SYT9: variants seen among roughly 807,000 people sequenced by gnomAD.
The protein encoded by SYT9 is synaptotagmin-9.
Under a neutral mutation model 48.4 loss-of-function variants are expected in SYT9, and 22 were observed. The observed-to-expected ratio is 0.45, with a 90% CI of 0.32 to 0.65. SYT9 has a LOEUF of 0.65. Ranked by LOEUF, SYT9 falls within the 30% of genes least tolerant of loss-of-function variation. The pLI is 0.03. For missense variants in SYT9, 577 were observed against 622.0 expected (o/e 0.93, Z 0.77); for synonymous variants, 265 against 245.0 (o/e 1.08, Z -0.76).
At chr11:7,465,625 C>T (rs72848021) in intron 6 of SYT9, 1,777 of 152,442 alleles carry the variant, frequency 0.012, 19 homozygotes, top group Non-Finnish European at 0.018. Context: ...CTTCACATCT[C>T]GGAAACAAGG....
chr11:7,275,204 T>C (rs1848365289), intron 1 of SYT9, among the ~76,000 whole-genome samples: 4 of 151,464 alleles, frequency 2.6e-5, no homozygotes, highest in African/African-American at 9.8e-5. Flanking sequence ...ACTTTGCCAG[T>C]GTAGTTATTC....
intron 2 of SYT9, among the ~76,000 whole-genome samples, chr11:7,307,895 C>T (rs1168133406): frequency 6.6e-6 from 1 of 152,226 alleles, no homozygotes; most frequent in Non-Finnish European, 1.5e-5. Context: ...TGGGAGGAAG[C>T]AGGTCTTGCC....
At chr11:7,445,263 A>G (rs1847905425) in intron 6 of SYT9, among the ~76,000 whole-genome samples, 1 of 152,220 alleles carries the variant, frequency 6.6e-6, no homozygotes, top group Admixed American at 6.5e-5. Flanking sequence ...ATGTACAAGA[A>G]AAGGAGAGAG....
intron 3 of SYT9, among the ~76,000 whole-genome samples, chr11:7,320,843 A>G (rs116883020): frequency 0.011 from 1,644 of 152,330 alleles, 15 homozygotes; most frequent in Middle Eastern, 0.017. Flanking sequence ...AGTACAATAC[A>G]TCTTTGTGAG....
At chr11:7,317,416 C>T (rs1402146155) in intron 3 of SYT9, among the ~76,000 whole-genome samples, 1 of 152,302 alleles carries the variant, frequency 6.6e-6, no homozygotes, top group South Asian at 2.1e-4. Context: ...TTTCAGCAGA[C>T]TCCATTCCTG....
At chr11:7,325,022 A>G (rs1334575061) in intron 3 of SYT9, among the ~76,000 whole-genome samples, 1 of 152,084 alleles carries the variant, frequency 6.6e-6, no homozygotes, top group Non-Finnish European at 1.5e-5. Flanking sequence ...AGTACTTTTT[A>G]TATATGTCTG....
intron 6 of SYT9, chr11:7,439,875 T>C (rs1011884963): frequency 6.6e-6 from 1 of 152,216 alleles, no homozygotes; most frequent in African/African-American, 2.4e-5. Context: ...GAAAGCTGTT[T>C]ATGGGCTGTC....
intron 6 of SYT9, among the ~76,000 whole-genome samples, chr11:7,443,520 G>A (rs922999259): frequency 2.0e-5 from 3 of 152,206 alleles, no homozygotes; most frequent in Admixed American, 1.3e-4. Flanking sequence ...AAGAGGCTGC[G>A]CAGCAGACAA....
At chr11:7,288,966 T>G (rs1848649702) in intron 1 of SYT9, among the ~76,000 whole-genome samples, 1 of 152,232 alleles carries the variant, frequency 6.6e-6, no homozygotes, top group African/African-American at 2.4e-5. Flanking sequence ...GCAATGCTGC[T>G]TGGACCCCTG....
intron 3 of SYT9, among the ~76,000 whole-genome samples, chr11:7,369,416 C>T (rs750381516): frequency 6.6e-6 from 1 of 151,982 alleles, no homozygotes; most frequent in Non-Finnish European, 1.5e-5. Context: ...AAATTTCTCC[C>T]ATTCTGTAGG....
At chr11:7,353,078 T>C (rs1849948542) in intron 3 of SYT9, among the ~76,000 whole-genome samples, 1 of 152,218 alleles carries the variant, frequency 6.6e-6, no homozygotes, top group Non-Finnish European at 1.5e-5. Context: ...GTTACAAAGT[T>C]ATTTTCTTTC....
At chr11:7,306,035 CA>C (rs1212577339) in intron 2 of SYT9, among the ~76,000 whole-genome samples, 8 of 152,290 alleles carry the variant, frequency 5.3e-5, no homozygotes, top group South Asian at 4.1e-4. Context: ...CTTTCAAGAT[CA>C]AGCATGTTCG....
intron 1 of SYT9, among the ~76,000 whole-genome samples, chr11:7,275,896 C>G (rs1419901529): frequency 6.6e-6 from 1 of 152,188 alleles, no homozygotes; most frequent in Non-Finnish European, 1.5e-5. Flanking sequence ...CCTTTTCCTT[C>G]CCTGGCTTTA....
At chr11:7,408,745 A>G (rs748712000) in intron 3 of SYT9, among the ~76,000 whole-genome samples, 2 of 152,196 alleles carry the variant, frequency 1.3e-5, no homozygotes. Flanking sequence ...AGGTTTTTCC[A>G]TAAGATCATA....
At chr11:7,254,048 T>G (rs1337871218) in intron 1 of SYT9, among the ~76,000 whole-genome samples, 1 of 152,174 alleles carries the variant, frequency 6.6e-6, no homozygotes, top group Non-Finnish European at 1.5e-5. Flanking sequence ...TCTACTCCTT[T>G]TAATCCGGGA....
At chr11:7,260,860 T>C (rs909208516) in intron 1 of SYT9, among the ~76,000 whole-genome samples, 2 of 152,216 alleles carry the variant, frequency 1.3e-5, no homozygotes, top group Non-Finnish European at 2.9e-5. Context: ...GGATTCCAGA[T>C]ATAATTCCTG....
At chr11:7,281,964 T>C (rs1482142456) in intron 1 of SYT9, among the ~76,000 whole-genome samples, 1 of 152,216 alleles carries the variant, frequency 6.6e-6, no homozygotes, top group Non-Finnish European at 1.5e-5. Context: ...CTGACCTTTG[T>C]AATTATGACA....
intron 2 of SYT9, among the ~76,000 whole-genome samples, chr11:7,305,686 TCTTTCTCATTATGTTCTTTA>T (rs1482564348): frequency 6.6e-6 from 1 of 152,208 alleles, no homozygotes; most frequent in Non-Finnish European, 1.5e-5. Context: ...TCTTCTCTTT[TCTTTCTCATTATGTTCTTTA>T]CTTTCTCCCT....
intron 3 of SYT9, among the ~76,000 whole-genome samples, chr11:7,361,896 C>G (rs1564876513): frequency 6.6e-6 from 1 of 152,120 alleles, no homozygotes; most frequent in Non-Finnish European, 1.5e-5. Flanking sequence ...ATTTCCTATT[C>G]CACCACTCTT....
Sources: gnomAD v4.1 joint callset for allele counts (sites outside exome capture counted in the v4.1 genomes callset) on GRCh38, gnomAD v4.1.1 for gene constraint, MANE v1.5 for transcripts, NCBI Gene and HGNC (gene_info 2026-07-23, HGNC 2026-07-21) for gene names.